The following RAD17 variants were observed in gnomAD, a reference collection of about 807,000 sequenced individuals.
The protein encoded by RAD17 is RAD17 checkpoint clamp loader component, also known as cell cycle checkpoint protein RAD17.
RAD17 carries 31 observed loss-of-function variants against 81.5 expected under a neutral mutation model. That is an observed-to-expected ratio of 0.38 (90% CI 0.29 to 0.51). The LOEUF is 0.51. RAD17 is among the 20% of genes least tolerant of loss of function. The pLI is 0.88. For missense variants in RAD17, 681 were observed against 781.2 expected (o/e 0.87, Z 1.53); for synonymous variants, 261 against 266.2 (o/e 0.98, Z 0.19).
At chr5:69,382,146 C>A (rs765382624) in intron 7 of RAD17, 89 bp downstream of exon 7, 6 of 1,410,324 alleles carry the variant, frequency 4.3e-6, no homozygotes, top group South Asian at 1.3e-5. Flanking sequence ...TGCATTTTTT[C>A]CCATACTTCT....
Position 69,389,050 on chromosome 5 carries a change from C to T in RAD17, c.911C>T (p.Thr304Ile), listed in dbSNP as rs780414244. The change falls in exon 12 of 19, where the codon ACT becomes ATT. Residue 304 changes from threonine (T) to isoleucine (I), a missense_variant. Coordinates refer to ENST00000354868, the MANE Select transcript of RAD17 (RefSeq NM_133338.3). ...TTATTTTAGAATGGAGGAAAAATTA[C>T]TGTCCCTGACAAAACTTCTCTAGAG... ...IEANKNGGKITVPDKTSLELL... is the reference protein window; with the variant it reads ...IEANKNGGKIIVPDKTSLELL... 4.7e-6 allele frequency: 7 copies of T among 1,488,910 alleles called. No individual in the cohort carries two copies. The highest frequency in any genetic ancestry group is 1.8e-6 in the Non-Finnish European group (2 of 1,117,398). 92.2% of individuals were successfully genotyped at this position (1,488,910 alleles called of 1,614,324 possible).
rs947206779 is a variant in RAD17, at chr5:69,405,352, C to A, written c.1694-5141C>A. Among the ~76,000 whole-genome samples the A allele has an allele frequency of 1.7e-3, 221 of 130,192 alleles. 5 individuals are homozygous for A. The highest frequency in any genetic ancestry group is 0.013 in the Admixed American group (161 of 12,608). 85.4% of individuals were successfully genotyped at this position (130,192 alleles called of 152,430 possible). ...CCCATCTCTACTAAAAACACACACA[C>A]AAAAAAAAAAAACACCAAAAAAACT... is the stretch of plus-strand genomic sequence containing the variant. On this transcript the variant is annotated intron_variant, in intron 17 of 18. Transcript: ENST00000354868.
chr5:69,369,429 C>T, upstream of RAD17: 1 of 1,607,364 alleles, frequency 6.2e-7, no homozygotes, highest in African/African-American at 1.3e-5. Flanking sequence ...CCCAGCCTGC[C>T]CCAGCCCAGT....
upstream of RAD17, chr5:69,369,568 G>A: frequency 6.2e-7 from 1 of 1,606,716 alleles, no homozygotes; most frequent in South Asian, 1.1e-5. Context: ...GGGGCGGGCG[G>A]CAGCAAAAGC....
chr5:69,377,550 C>CAT (rs376337768), intron 6 of RAD17, among the ~76,000 whole-genome samples: 1,003 of 5,022 alleles, frequency 0.2, 381 homozygotes, highest in Non-Finnish European at 0.4. Flanking sequence ...TATATATATG[C>CAT]ATATATATGT....
intron 12 of RAD17, 92 bp from the exon 13 acceptor site, chr5:69,391,739 T>G: frequency 1.0e-6 from 1 of 996,192 alleles, no homozygotes; most frequent in Admixed American, 3.3e-5. Flanking sequence ...AAATTGTAAT[T>G]AGAATATTTA....
chr5:69,393,497 G>C lies in RAD17; in HGVS notation c.1419G>C (p.Trp473Cys). The change falls in exon 15 of 19, where the codon TGG becomes TGC. Residue 473 changes from tryptophan to cysteine, a missense_variant. By Grantham distance (215) the Trp-to-Cys change is radical (BLOSUM62 -2). Coordinates refer to ENST00000354868, the MANE Select transcript of RAD17 (RefSeq NM_133338.3). Reference protein sequence around the residue: ...LSFADILSGDWNTRSLLREYS... With the variant: ...LSFADILSGDCNTRSLLREYS... Reference sequence around the variant, plus strand: ...TTGCAGATATCCTCAGTGGTGACTGGAATGTAAGACCATTTGACTTAAAAT... The same window carrying C: ...TTGCAGATATCCTCAGTGGTGACTGCAATGTAAGACCATTTGACTTAAAAT... 6.3e-7 allele frequency: 1 copy of C among 1,598,858 alleles called. No individual in the cohort carries two copies. Among genetic ancestry groups the C allele is most frequent in the Admixed American group, 1.8e-5 (1 of 54,662 alleles).
intron 16 of RAD17, among the ~76,000 whole-genome samples, chr5:69,397,959 TAAA>T (rs1477262484): frequency 1.3e-5 from 2 of 151,844 alleles, no homozygotes; most frequent in African/African-American, 4.8e-5. Context: ...GTACTAAAAA[TAAA>T]AAAACTTAGC....
chr5:69,383,192 G>A (rs1763962209), intron 7 of RAD17, among the ~76,000 whole-genome samples: 2 of 152,010 alleles, frequency 1.3e-5, no homozygotes, highest in Non-Finnish European at 2.9e-5. Flanking sequence ...ACTCCAGGTG[G>A]TGAAACTAGG....
At chr5:69,373,686 A>ATT (rs56385833) in intron 4 of RAD17, 144 bp from the exon 5 acceptor site, 42 of 251,894 alleles carry the variant, frequency 1.7e-4, no homozygotes, top group African/African-American at 1.3e-3. Context: ...TCTCAAAAAA[A>ATT]TTTTTTTTTT....
chr5:69,370,240 A>C (rs1388092141), intron 1 of RAD17: 1 of 154,040 alleles, frequency 6.5e-6, no homozygotes, highest in African/African-American at 2.4e-5. Flanking sequence ...ATCTCATTTC[A>C]GTAACCTCGC....
At chr5:69,396,364 C>T in intron 15 of RAD17, 33 bp from the exon 16 acceptor site, 3 of 1,583,200 alleles carry the variant, frequency 1.9e-6, no homozygotes, top group South Asian at 1.2e-5. Context: ...TTTTATAAAT[C>T]TATTTTCTTT....
At position 69,386,446 on chromosome 5, in the gene RAD17, T is replaced by A; in HGVS notation, c.875T>A (p.Val292Glu). The part of the protein sequence containing the change: ...TIMMKFLNRI[V>E]TIEANKNGGK... ...ATGATGAAATTTCTTAATCGAATAG[T>A]GACTATAGAAGCTAACAAGGTAAGT... Residue 292 changes from valine to glutamate, a missense_variant, in exon 11 of 19, where the codon GTG becomes GAG. Physicochemically the swap from Val to Glu is moderately radical, Grantham distance 121 (BLOSUM62 -2). Coordinates refer to ENST00000354868, the MANE Select transcript of RAD17 (RefSeq NM_133338.3). The A allele has an allele frequency of 6.3e-7, 1 of 1,599,638 alleles. No individual in the cohort carries two copies. Among genetic ancestry groups the A allele is most frequent in the Non-Finnish European group, 8.5e-7 (1 of 1,174,754 alleles).
intron 4 of RAD17, 118 bp from the exon 5 acceptor site, chr5:69,373,712 T>TATG: frequency 2.7e-6 from 1 of 373,564 alleles, no homozygotes; most frequent in South Asian, 5.6e-5. Context: ...TTTTTTTTTT[T>TATG]TTTTAAGTTT....
In RAD17 at chr5:69,389,078, G is replaced by T. The variant is rs989063335; in HGVS notation, c.939G>T (p.Leu313Phe). The T allele has an allele frequency of 3.9e-6, 6 of 1,558,190 alleles. No individual in the cohort carries two copies. In the East Asian group the frequency reaches 1.4e-4, roughly 37 times the overall value. Residue 313 changes from leucine (L) to phenylalanine (F), a missense_variant, in exon 12 of 19, where the codon TTG (leucine) becomes TTT (phenylalanine). Coordinates refer to ENST00000354868, the MANE Select transcript of RAD17 (RefSeq NM_133338.3). The part of the protein sequence containing the change: ...ITVPDKTSLE[L>F]LCQGCSGDIR... ...TCCCTGACAAAACTTCTCTAGAGTT[G>T]CTCTGTCAGGGATGTTCTGGTGATA...
chr5:69,402,796 A>T (rs1414780754), intron 17 of RAD17, among the ~76,000 whole-genome samples: 1 of 152,144 alleles, frequency 6.6e-6, no homozygotes, highest in East Asian at 1.9e-4. Context: ...AAGCATGCAC[A>T]TATATGTATT....
chr5:69,400,273 G>A lies in RAD17; in HGVS notation c.1693+104G>A, dbSNP rs560745804. Reference sequence around the variant, plus strand: ...GTCTCTACTGTCCAGGCTGGATTGCGGTGGCACGATCTCGGCTCACTGCAA... The same window carrying A: ...GTCTCTACTGTCCAGGCTGGATTGCAGTGGCACGATCTCGGCTCACTGCAA... On this transcript the variant is annotated intron_variant, in intron 17 of 18. Coordinates refer to ENST00000354868, the MANE Select transcript of RAD17 (RefSeq NM_133338.3). 7.8e-5 allele frequency: 61 copies of A among 786,344 alleles called. 1 individual carries two copies. In the African/African-American group the frequency reaches 9.6e-4, roughly 12 times the overall value. 48.7% of individuals were successfully genotyped at this position (786,344 alleles called of 1,614,324 possible). A position where few individuals can be genotyped will look rare whatever the true frequency, so the allele number is the denominator to read the frequency against.
chr5:69,392,086 TA>T, intron 13 of RAD17, 73 bp downstream of exon 13: 4 of 1,278,270 alleles, frequency 3.1e-6, no homozygotes, highest in Non-Finnish European at 4.2e-6. Flanking sequence ...ATGTCACTTT[TA>T]AAAAAATGTC....
intron 17 of RAD17, among the ~76,000 whole-genome samples, chr5:69,407,735 C>T (rs1025111221): frequency 6.6e-6 from 1 of 151,962 alleles, no homozygotes; most frequent in Non-Finnish European, 1.5e-5. Flanking sequence ...TGCCGCTATG[C>T]CCGGCGGGGT....
Sources: gnomAD v4.1 joint callset for allele counts (sites outside exome capture counted in the v4.1 genomes callset) on GRCh38, gnomAD v4.1.1 for gene constraint, MANE v1.5 for transcripts, NCBI Gene and HGNC (gene_info 2026-07-23, HGNC 2026-07-21) for gene names.